The following CTNNA2 variants were observed in gnomAD, a reference collection of about 807,000 sequenced individuals.
The protein encoded by CTNNA2 is catenin alpha-2.
Under a neutral mutation model 101.0 loss-of-function variants are expected in CTNNA2, and 42 were observed. The ratio of observed to expected loss-of-function variants is 0.42; its 90% CI spans 0.32 to 0.54. The LOEUF is 0.54. Ranked by LOEUF, CTNNA2 falls within the 20% of genes least tolerant of loss-of-function variation. CTNNA2 has a pLI of 0.14. For missense variants in CTNNA2, 871 were observed against 1,223.1 expected, an observed-to-expected ratio of 0.71 and a Z score of 4.29; for synonymous variants, 450 against 456.4, an observed-to-expected ratio of 0.99 and a Z score of 0.18.
intron 1 of CTNNA2, among the ~76,000 whole-genome samples, chr2:79,185,940 T>C (rs2104148890): frequency 6.6e-6 from 1 of 152,218 alleles, no homozygotes; most frequent in East Asian, 1.9e-4. Flanking sequence ...ATATATGTTT[T>C]TTAAGACAGC....
At chr2:79,284,883 C>A (rs1478805865) in intron 2 of CTNNA2, among the ~76,000 whole-genome samples, 3 of 139,574 alleles carry the variant, frequency 2.1e-5, no homozygotes, top group African/African-American at 8.0e-5. Flanking sequence ...GTGAATCCAT[C>A]TGGTCCTGGA....
chr2:80,298,017 G>A (rs1308201756), intron 7 of CTNNA2, among the ~76,000 whole-genome samples: 3 of 151,148 alleles, frequency 2.0e-5, no homozygotes, highest in Non-Finnish European at 4.4e-5. Context: ...GTGGTACTAT[G>A]TGGTTTTATA....
At chr2:79,883,737 T>C (rs1302646628) in intron 6 of CTNNA2, among the ~76,000 whole-genome samples, 2 of 152,170 alleles carry the variant, frequency 1.3e-5, no homozygotes, top group Admixed American at 1.3e-4. Context: ...CCATATCTTG[T>C]TTTTGGAATC....
At chr2:80,318,993 G>A (rs1678410473) in intron 7 of CTNNA2, among the ~76,000 whole-genome samples, 1 of 152,116 alleles carries the variant, frequency 6.6e-6, no homozygotes, top group South Asian at 2.1e-4. Flanking sequence ...AAGATAATAT[G>A]CTAGTGGCTT....
At chr2:79,843,191 G>T (rs1679959910) in intron 3 of CTNNA2, among the ~76,000 whole-genome samples, 1 of 152,220 alleles carries the variant, frequency 6.6e-6, no homozygotes, top group Admixed American at 6.5e-5. Flanking sequence ...TTTAAGAAGT[G>T]TGCACTTTGG....
At position 80,551,192 on chromosome 2, in the gene CTNNA2, A is replaced by G. The variant is rs566921299; in HGVS notation, c.1541-4501A>G. On this transcript the variant is annotated intron_variant, in intron 11 of 18. Coordinates refer to ENST00000402739, the MANE Select transcript of CTNNA2 (RefSeq NM_001282597.3). Reference sequence around the variant, plus strand: ...TTTTTATTCTGAACAGTAGGTTTCAAGAGTGGACTTGAAATATTCAGTAAA... The same window carrying G: ...TTTTTATTCTGAACAGTAGGTTTCAGGAGTGGACTTGAAATATTCAGTAAA... Among the ~76,000 whole-genome samples, 6 of 152,332 alleles carry G rather than the reference A, an allele frequency of 3.9e-5. No homozygotes were observed. In the East Asian group the frequency reaches 1.2e-3, roughly 29 times the overall value.
intron 7 of CTNNA2, among the ~76,000 whole-genome samples, chr2:80,217,721 A>G (rs1708351264): frequency 6.6e-6 from 1 of 152,166 alleles, no homozygotes; most frequent in Non-Finnish European, 1.5e-5. Context: ...GTTGTTGATC[A>G]TTTGTTTTCC....
intron 7 of CTNNA2, among the ~76,000 whole-genome samples, chr2:80,081,719 T>TC (rs1699162703): frequency 6.6e-6 from 1 of 151,992 alleles, no homozygotes; most frequent in African/African-American, 2.4e-5. Context: ...AAGTTACTAC[T>TC]CCGCTAAGAC....
chr2:79,951,977 T>C (rs190635580), intron 7 of CTNNA2, among the ~76,000 whole-genome samples: 11 of 152,326 alleles, frequency 7.2e-5, no homozygotes, highest in African/African-American at 2.6e-4. Context: ...TCATAGGCCA[T>C]GCTGTTGCAG....
chr2:79,332,693 T>C (rs2104419974), intron 3 of CTNNA2, among the ~76,000 whole-genome samples: 1 of 152,318 alleles, frequency 6.6e-6, no homozygotes, highest in Non-Finnish European at 1.5e-5. Flanking sequence ...TTTAATTCAT[T>C]TGCCCTTGAT....
chr2:79,728,287 G>T (rs543488353), intron 2 of CTNNA2, among the ~76,000 whole-genome samples: 123 of 152,226 alleles, frequency 8.1e-4, no homozygotes, highest in Non-Finnish European at 1.4e-3. Context: ...GTGTGAGATG[G>T]TATCTCATTG....
intron 7 of CTNNA2, among the ~76,000 whole-genome samples, chr2:80,155,724 T>A (rs772557835): frequency 1.2e-4 from 18 of 152,202 alleles, no homozygotes; most frequent in Non-Finnish European, 1.8e-4. Flanking sequence ...TCATCTACTC[T>A]TCTGCTGTAG....
chr2:79,772,155 C>A (rs548357308), intron 3 of CTNNA2, among the ~76,000 whole-genome samples: 3 of 152,100 alleles, frequency 2.0e-5, no homozygotes, highest in African/African-American at 7.2e-5. Context: ...TTCTTCCTTT[C>A]ACTAATATTT....
chr2:80,097,910 AT>A (rs1443259019), intron 7 of CTNNA2, among the ~76,000 whole-genome samples: 2 of 151,640 alleles, frequency 1.3e-5, no homozygotes, highest in East Asian at 1.9e-4. Context: ...CATGCACCTA[AT>A]TTTTTTTCAA....
rs115994304 is a variant in CTNNA2, at chr2:80,308,135, G to A, written c.1057-85076G>A. Among the ~76,000 whole-genome samples the A allele has an allele frequency of 3.1e-3, 466 of 152,228 alleles. 1 individual carries two copies. Among genetic ancestry groups the A allele is most frequent in the African/African-American group, 0.011 (447 of 41,526 alleles). On this transcript the variant is annotated intron_variant, in intron 7 of 18. Coordinates refer to ENST00000402739, the MANE Select transcript of CTNNA2 (RefSeq NM_001282597.3). ...TTCGTGGTACTCTATGTTGTGAAGT[G>A]GAGTGGGGGAGTAACATACAATTTT...
intron 2 of CTNNA2, among the ~76,000 whole-genome samples, chr2:79,232,849 G>C (rs777293521): frequency 1.3e-5 from 2 of 152,010 alleles, no homozygotes; most frequent in African/African-American, 4.8e-5. Context: ...AATAATCCCC[G>C]AGGATATTTC....
intron 6 of CTNNA2, among the ~76,000 whole-genome samples, chr2:79,895,537 T>G (rs1385887893): frequency 6.6e-6 from 1 of 152,182 alleles, no homozygotes; most frequent in African/African-American, 2.4e-5. Context: ...TTTAAATGGA[T>G]AATTTAGCAT....
chr2:79,354,339 A>G (rs1169376098), intron 3 of CTNNA2, among the ~76,000 whole-genome samples: 1 of 152,134 alleles, frequency 6.6e-6, no homozygotes, highest in Non-Finnish European at 1.5e-5. Context: ...GCTTCTGTAC[A>G]TAATCTCACA....
At chr2:79,894,569 A>T (rs1190339039) in intron 6 of CTNNA2, among the ~76,000 whole-genome samples, 1 of 152,134 alleles carries the variant, frequency 6.6e-6, no homozygotes, top group Non-Finnish European at 1.5e-5. Flanking sequence ...ATTTTCAGGT[A>T]CATAGTCACT....
Sources: gnomAD v4.1 joint callset for allele counts (sites outside exome capture counted in the v4.1 genomes callset) on GRCh38, gnomAD v4.1.1 for gene constraint, MANE v1.5 for transcripts, NCBI Gene and HGNC (gene_info 2026-07-23, HGNC 2026-07-21) for gene names.